Variants in SLC20A2 observed in about 807,000 individuals in gnomAD.
The protein encoded by SLC20A2 is solute carrier family 20 member 2.
In SLC20A2, 30 loss-of-function variants were observed where a neutral mutation model predicts 61.0. The ratio of observed to expected loss-of-function variants is 0.49; its 90% confidence interval spans 0.37 to 0.67. SLC20A2 has a LOEUF of 0.67. Ranked by LOEUF, SLC20A2 falls within the 30% of genes least tolerant of loss-of-function variation. The probability of loss-of-function intolerance (pLI) is 0.00; values close to 1 mark genes in which losing one functional copy is unlikely to be tolerated. For missense variants in SLC20A2, 626 were observed against 866.4 expected, an observed-to-expected ratio of 0.72 and a Z score of 3.48; for synonymous variants, 351 against 353.3, an observed-to-expected ratio of 0.99 and a Z score of 0.07.
rs1234365340 is a variant in SLC20A2 at position 42,417,194 on chromosome 8, GATGAT to G, written c.*604_*608del. 6.6e-6 allele frequency: 1 copy of G among 152,558 alleles called. No homozygotes were observed. Among genetic ancestry groups the G allele is most frequent in the Non-Finnish European group, 1.5e-5 (1 of 68,086 alleles). The allele number at this position is 152,558 out of a possible 1,614,324, so 9.5% of individuals were successfully genotyped here. The stretch of plus-strand genomic sequence containing the variant: ...AGTTTTACGTATTTACAAAAGCAAT[GATGAT>G]ATATTACACAACAATCAATACACAG... On this transcript the variant is annotated 3_prime_UTR_variant, in exon 11 of 11. Transcript: ENST00000520262.
At chr8:42,454,933 T>C (rs1420378253) in intron 5 of SLC20A2, among the ~76,000 whole-genome samples, 1 of 151,982 alleles carries the variant, frequency 6.6e-6, no homozygotes, top group East Asian at 1.9e-4. Context: ...ATATTAAATA[T>C]GTACAAAAAT....
intron 7 of SLC20A2, among the ~76,000 whole-genome samples, chr8:42,438,361 TG>T (rs1804509840): frequency 6.6e-6 from 1 of 152,192 alleles, no homozygotes; most frequent in Admixed American, 6.5e-5. Context: ...TCACCCAGGC[TG>T]GAGTGCAGTG....
intron 8 of SLC20A2, among the ~76,000 whole-genome samples, chr8:42,435,989 C>G (rs1295283294): frequency 6.6e-6 from 1 of 152,004 alleles, no homozygotes; most frequent in Non-Finnish European, 1.5e-5. Context: ...GGTTGGGGAG[C>G]CTGTAATCCC....
At chr8:42,532,542 C>T (rs546269001) in intron 1 of SLC20A2, among the ~76,000 whole-genome samples, 3 of 152,154 alleles carry the variant, frequency 2.0e-5, no homozygotes, top group East Asian at 3.9e-4. Context: ...GCTCAATGTT[C>T]GAAGGGAAGT....
chr8:42,454,432 G>A (rs1805977880), intron 5 of SLC20A2, among the ~76,000 whole-genome samples: 1 of 152,134 alleles, frequency 6.6e-6, no homozygotes, highest in Non-Finnish European at 1.5e-5. Context: ...AGGGACTATA[G>A]TGTCCCTCGA....
chr8:42,494,317 C>A (rs1300724126), intron 1 of SLC20A2, among the ~76,000 whole-genome samples: 1 of 151,652 alleles, frequency 6.6e-6, no homozygotes, highest in Non-Finnish European at 1.5e-5. Flanking sequence ...GAGGCCACTG[C>A]CAAATTAAAT....
At position 42,475,353 on chromosome 8, in the gene SLC20A2, GCCT is replaced by G. The variant is rs560203262; in HGVS notation, c.-264-2702_-264-2700del. Among the ~76,000 whole-genome samples, 457 of 151,974 alleles carry G rather than the reference GCCT, an allele frequency of 3.0e-3. 3 individuals carry two copies. Among genetic ancestry groups the G allele is most frequent in the African/African-American group, 0.011 (439 of 41,416 alleles). ...ATCCTCAAGTGATTCTCCTACCTCG[GCCT>G]CCCAAAGTGCTGGGATCACTGGTGT... On this transcript the variant is annotated intron_variant, in intron 1 of 10. Coordinates refer to ENST00000520262, the MANE Select transcript of SLC20A2 (RefSeq NM_001257180.2).
chr8:42,425,048 A>C (rs1048520400), intron 10 of SLC20A2, among the ~76,000 whole-genome samples: 2 of 152,168 alleles, frequency 1.3e-5, no homozygotes, highest in African/African-American at 4.8e-5. Flanking sequence ...TCTGTCTCAA[A>C]CAAAACAAAA....
At chr8:42,419,943 T>C (rs1474691182) in intron 10 of SLC20A2, among the ~76,000 whole-genome samples, 1 of 152,158 alleles carries the variant, frequency 6.6e-6, no homozygotes, top group Non-Finnish European at 1.5e-5. Context: ...ATCCCAGCAC[T>C]TTGGGAGGCC....
At chr8:42,528,324 T>C (rs968440809) in intron 1 of SLC20A2, among the ~76,000 whole-genome samples, 2 of 151,856 alleles carry the variant, frequency 1.3e-5, no homozygotes, top group Non-Finnish European at 2.9e-5. Flanking sequence ...TAGCCGGGCG[T>C]AGTGGTGGGC....
At chr8:42,517,893 T>G (rs1169200480) in intron 1 of SLC20A2, among the ~76,000 whole-genome samples, 1 of 152,204 alleles carries the variant, frequency 6.6e-6, no homozygotes, top group Non-Finnish European at 1.5e-5. Context: ...TCCCTAAGGT[T>G]GTATGTACAA....
intron 10 of SLC20A2, among the ~76,000 whole-genome samples, chr8:42,428,461 G>A (rs1465265242): frequency 6.6e-6 from 1 of 152,246 alleles, no homozygotes; most frequent in African/African-American, 2.4e-5. Flanking sequence ...CACACAGGAT[G>A]CCAATCAAAC....
chr8:42,541,119 G>C (rs1018395780), intron 1 of SLC20A2: 7 of 152,176 alleles, frequency 4.6e-5, no homozygotes, highest in Admixed American at 4.6e-4. Flanking sequence ...TGCGCCTGGT[G>C]GGACAATGTA....
chr8:42,459,221 G>C (rs927259309), intron 5 of SLC20A2, among the ~76,000 whole-genome samples: 2 of 121,200 alleles, frequency 1.7e-5, no homozygotes, highest in Non-Finnish European at 3.2e-5. Context: ...GGGTGAGAGA[G>C]TGAGACTCTA....
Position 42,466,900 on chromosome 8 carries a change from C to T in SLC20A2, c.290-983G>A, listed in dbSNP as rs186507962. 9.9e-5 allele frequency among the ~76,000 whole-genome samples: 15 copies of T among 152,190 alleles called. No homozygotes were observed. In the East Asian group the frequency reaches 2.7e-3, roughly 27 times the overall value. On this transcript the variant is annotated intron_variant, in intron 2 of 10. Coordinates refer to ENST00000520262, the MANE Select transcript of SLC20A2 (RefSeq NM_001257180.2). ...ACCCAGGCTGGTTTGGAACTCCTGGCCTTAAGCAATCCTCCTGCTTCAGCC... is the reference window on the plus strand; with the variant it reads ...ACCCAGGCTGGTTTGGAACTCCTGGTCTTAAGCAATCCTCCTGCTTCAGCC...
At chr8:42,455,415 C>T (rs1345098360) in intron 5 of SLC20A2, among the ~76,000 whole-genome samples, 1 of 151,644 alleles carries the variant, frequency 6.6e-6, no homozygotes, top group Non-Finnish European at 1.5e-5. Context: ...AATCCCAGCA[C>T]TTTGGGAGGC....
chr8:42,446,530 G>C (rs1341945266), intron 5 of SLC20A2, among the ~76,000 whole-genome samples: 1 of 152,220 alleles, frequency 6.6e-6, no homozygotes, highest in Non-Finnish European at 1.5e-5. Context: ...AGTAATTACT[G>C]TAGACAGTCT....
At chr8:42,512,611 A>C (rs1811094027) in intron 1 of SLC20A2, among the ~76,000 whole-genome samples, 1 of 152,220 alleles carries the variant, frequency 6.6e-6, no homozygotes. Flanking sequence ...TTGGCCTCCC[A>C]AAGTGCTGGG....
intron 1 of SLC20A2, among the ~76,000 whole-genome samples, chr8:42,526,530 G>A (rs1586271760): frequency 6.6e-6 from 1 of 152,034 alleles, no homozygotes; most frequent in African/African-American, 2.4e-5. Context: ...AAAATTAGCT[G>A]GGTGTGGTGG....
Sources: gnomAD v4.1 joint callset for allele counts (sites outside exome capture counted in the v4.1 genomes callset) on GRCh38, gnomAD v4.1.1 for gene constraint, MANE v1.5 for transcripts, NCBI Gene and HGNC (gene_info 2026-07-23, HGNC 2026-07-21) for gene names.